CPXM2: variants seen among roughly 807,000 people sequenced by gnomAD.
CPXM2 encodes carboxypeptidase X, M14 family member 2.
A neutral mutation model predicts 86.1 loss-of-function variants in CPXM2; 66 were observed. That is an observed-to-expected ratio of 0.77 (90% CI 0.63 to 0.94). The LOEUF is 0.94. Among genes scored for constraint, CPXM2 ranks in the 40% least tolerant of loss-of-function variants. CPXM2 has a pLI of 0.00. For synonymous variants in CPXM2, 388 were observed against 400.2 expected (o/e 0.97, Z 0.36); for missense variants, 948 against 1,026.3 (o/e 0.92, Z 1.04).
chr10:123,874,145 G>A (rs1944940359), intron 2 of CPXM2, among the ~76,000 whole-genome samples: 1 of 152,092 alleles, frequency 6.6e-6, no homozygotes, highest in African/African-American at 2.4e-5. Context: ...TTACAGGAGT[G>A]AGCCACCATG....
At chr10:123,907,963 G>A (rs1423247112) in intron 2 of CPXM2, among the ~76,000 whole-genome samples, 1 of 152,144 alleles carries the variant, frequency 6.6e-6, no homozygotes, top group Non-Finnish European at 1.5e-5. Flanking sequence ...AGGAAAAGGG[G>A]AAGAAGGAAA....
rs56043456 is a variant in CPXM2, at chr10:123,751,935, G to A, written c.2017+2728C>T. The stretch of plus-strand genomic sequence containing the variant: ...ACTGTCTCATTGATTGCAGGGGCTT[G>A]AAACTCAGCACCCATTAGGCAAAGT... On this transcript the variant is annotated intron_variant, in intron 13 of 13. Transcript: ENST00000241305. 5.5e-4 allele frequency: 541 copies of A among 985,262 alleles called. 1 individual carries two copies. The African/African-American group carries it at 8.1e-3, about 15-fold the overall frequency. The allele number at this position is 985,262 out of a possible 1,614,324, so 61.0% of individuals were successfully genotyped here.
intron 2 of CPXM2, among the ~76,000 whole-genome samples, chr10:123,932,236 T>C (rs1405682461): frequency 6.6e-6 from 1 of 152,156 alleles, no homozygotes; most frequent in Non-Finnish European, 1.5e-5. Context: ...TCTGTGTGTA[T>C]AGGGTGGTAT....
At chr10:123,775,879 A>G (rs942679417) in intron 7 of CPXM2, among the ~76,000 whole-genome samples, 2 of 152,248 alleles carry the variant, frequency 1.3e-5, no homozygotes. Flanking sequence ...TCTTCTGAGC[A>G]AGGCAACCAT....
At chr10:123,898,436 G>T (rs1279293987) in intron 2 of CPXM2, among the ~76,000 whole-genome samples, 1 of 152,060 alleles carries the variant, frequency 6.6e-6, no homozygotes, top group Non-Finnish European at 1.5e-5. Context: ...CTGAACTCCA[G>T]CCTGAGCAGC....
intron 11 of CPXM2, 128 bp from the exon 12 acceptor site, chr10:123,757,480 G>C (rs931714179): frequency 2.5e-6 from 2 of 792,360 alleles, no homozygotes. Context: ...GAGATATGAA[G>C]TATCTACTAT....
At position 123,839,821 on chromosome 10, in the gene CPXM2, A is replaced by C. The variant is rs17106097; in HGVS notation, c.653+2528T>G. On this transcript the variant is annotated intron_variant, in intron 4 of 13. Coordinates refer to ENST00000241305, the MANE Select transcript of CPXM2 (RefSeq NM_198148.3). ...GTTGGAGACAGTACTATTCCCAGAGATAAGACAAACCAAAACTCATCAGGT... is the reference window on the plus strand; with the variant it reads ...GTTGGAGACAGTACTATTCCCAGAGCTAAGACAAACCAAAACTCATCAGGT... 3.5e-3 allele frequency among the ~76,000 whole-genome samples: 540 copies of C among 152,352 alleles called. 11 individuals carry two copies. The East Asian group carries it at 0.05, about 14-fold the overall frequency.
intron 2 of CPXM2, among the ~76,000 whole-genome samples, chr10:123,871,023 G>A (rs75088917): frequency 0.027 from 4,142 of 152,250 alleles, 111 homozygotes; most frequent in East Asian, 0.11. Context: ...TCAAAGAATC[G>A]GGTTCCAGCC....
At chr10:123,811,381 G>A (rs1026507616) in intron 4 of CPXM2, among the ~76,000 whole-genome samples, 3 of 152,034 alleles carry the variant, frequency 2.0e-5, no homozygotes, top group African/African-American at 7.3e-5. Flanking sequence ...TCCCACCTAT[G>A]AGTGAGAACA....
chr10:123,755,584 T>G (rs1846186451), intron 12 of CPXM2, among the ~76,000 whole-genome samples: 1 of 152,220 alleles, frequency 6.6e-6, no homozygotes, highest in Non-Finnish European at 1.5e-5. Flanking sequence ...GGCACATTTA[T>G]TTTGACTTTG....
intron 7 of CPXM2, among the ~76,000 whole-genome samples, chr10:123,779,773 C>T (rs1461558460): frequency 6.6e-6 from 1 of 152,114 alleles, no homozygotes; most frequent in Non-Finnish European, 1.5e-5. Flanking sequence ...TGAACGTGAT[C>T]ATGTATGTAA....
chr10:123,882,967 C>T (rs1043409026), intron 1 of CPXM2, among the ~76,000 whole-genome samples: 1 of 151,582 alleles, frequency 6.6e-6, no homozygotes, highest in African/African-American at 2.4e-5. Context: ...AACCATAATA[C>T]CATGGCCTGG....
chr10:123,844,629 G>C (rs1848460414), intron 3 of CPXM2, among the ~76,000 whole-genome samples: 1 of 152,048 alleles, frequency 6.6e-6, no homozygotes. Flanking sequence ...TCTCTCAAAA[G>C]TCAACCCCAA....
intron 2 of CPXM2, among the ~76,000 whole-genome samples, chr10:123,935,258 C>A (rs537059782): frequency 6.6e-6 from 1 of 152,258 alleles, no homozygotes; most frequent in East Asian, 1.9e-4. Context: ...TGGCTTAAAC[C>A]CTCCTCTCTC....
chr10:123,791,190 G>A (rs951578522), intron 6 of CPXM2, among the ~76,000 whole-genome samples: 13 of 152,188 alleles, frequency 8.5e-5, no homozygotes, highest in Non-Finnish European at 1.5e-5. Context: ...GAGGCGGGCA[G>A]ATCATCTGAG....
rs373311383 is a variant in CPXM2 at position 123,910,194 on chromosome 10, C to T, written n.174+29283G>A. On this transcript the variant is annotated intron_variant and non_coding_transcript_variant, in intron 2 of 19. Transcript: ENST00000368854. ...GCCCCTGCACACCTGCCTCATCTCCCGACTCAGCCTTTGGTTGCTCACCCA... is the reference window on the plus strand; with the variant it reads ...GCCCCTGCACACCTGCCTCATCTCCTGACTCAGCCTTTGGTTGCTCACCCA... Among the ~76,000 whole-genome samples the T allele has an allele frequency of 5.9e-5, 9 of 152,282 alleles. No individual in the cohort carries two copies. In the East Asian group the frequency reaches 7.7e-4, roughly 13 times the overall value.
chr10:123,833,420 GT>G (rs1286078547), intron 4 of CPXM2, among the ~76,000 whole-genome samples: 3 of 152,222 alleles, frequency 2.0e-5, no homozygotes, highest in Admixed American at 1.3e-4. Context: ...ACATAATTCA[GT>G]TGCCAGGCCT....
intron 3 of CPXM2, among the ~76,000 whole-genome samples, chr10:123,861,460 C>T (rs779150746): frequency 5.9e-5 from 9 of 152,266 alleles, no homozygotes; most frequent in South Asian, 2.1e-4. Flanking sequence ...AAGATGTCCA[C>T]GCTCTAATCC....
At chr10:123,787,261 G>A (rs980061857) in intron 6 of CPXM2, among the ~76,000 whole-genome samples, 1 of 152,144 alleles carries the variant, frequency 6.6e-6, no homozygotes, top group Non-Finnish European at 1.5e-5. Context: ...AAGGTGGAAG[G>A]AAGCCCCAGG....
Sources: gnomAD v4.1 joint callset for allele counts (sites outside exome capture counted in the v4.1 genomes callset) on GRCh38, gnomAD v4.1.1 for gene constraint, MANE v1.5 for transcripts, NCBI Gene and HGNC (gene_info 2026-07-23, HGNC 2026-07-21) for gene names.